Variants in MRPL48 observed in about 807,000 individuals in gnomAD.
The protein encoded by MRPL48 is large ribosomal subunit protein mL48.
In MRPL48, 16 loss-of-function variants were observed where a neutral mutation model predicts 32.9. The observed-to-expected ratio is 0.49, with a 90% CI of 0.33 to 0.74. The LOEUF (loss-of-function observed/expected upper bound fraction) is 0.74, where lower values mean the gene tolerates loss of function less well. MRPL48 is among the 30% of genes least tolerant of loss of function. MRPL48 has a pLI of 0.02. For missense variants in MRPL48, 206 were observed against 245.3 expected (o/e 0.84, Z 1.07); for synonymous variants, 94 against 89.2 (o/e 1.05, Z -0.31).
At chr11:73,821,526 C>G (rs1430980976) in intron 3 of MRPL48, among the ~76,000 whole-genome samples, 2 of 152,160 alleles carry the variant, frequency 1.3e-5, no homozygotes, top group Admixed American at 6.6e-5. Context: ...TTATCTCTGG[C>G]TCTTTCTCTG....
chr11:73,804,800 G>T (rs1947420200), intron 1 of MRPL48, among the ~76,000 whole-genome samples: 1 of 152,216 alleles, frequency 6.6e-6, no homozygotes. Context: ...AGCAGTGTGG[G>T]AGGGGGACTT....
chr11:73,850,898 G>A (rs1232861573), intron 5 of MRPL48: 3 of 247,814 alleles, frequency 1.2e-5, no homozygotes, highest in East Asian at 1.2e-4. Context: ...GGATGGTCTC[G>A]ATCTCCTGAC....
chr11:73,796,779 T>C (rs1292791850), intron 1 of MRPL48, among the ~76,000 whole-genome samples: 1 of 152,132 alleles, frequency 6.6e-6, no homozygotes, highest in South Asian at 2.1e-4. Flanking sequence ...CATAAAAACT[T>C]TGGGTCTGGG....
intron 4 of MRPL48, chr11:73,832,435 G>A (rs1948013287): frequency 6.6e-6 from 1 of 152,342 alleles, no homozygotes; most frequent in South Asian, 2.1e-4. Flanking sequence ...TCACTTTATG[G>A]TTATAGTCCT....
intron 4 of MRPL48, among the ~76,000 whole-genome samples, chr11:73,828,138 C>A (rs556587711): frequency 1.3e-5 from 2 of 152,156 alleles, no homozygotes; most frequent in East Asian, 3.9e-4. Flanking sequence ...CATGTAACTT[C>A]ACGATGCTGT....
chr11:73,860,314 G>C, intron 6 of MRPL48: 1 of 219,484 alleles, frequency 4.6e-6, no homozygotes, highest in Admixed American at 5.6e-5. Flanking sequence ...TCTCGACTTG[G>C]ATGTTCCACA....
At chr11:73,788,089 CG>C in intron 1 of MRPL48, 97 bp downstream of exon 1, 1 of 1,353,950 alleles carries the variant, frequency 7.4e-7, no homozygotes, top group Non-Finnish European at 9.9e-7. Context: ...TGGCGGCGCG[CG>C]GACATCCGGG....
At chr11:73,821,634 A>G (rs1385942005) in intron 3 of MRPL48, among the ~76,000 whole-genome samples, 1 of 152,204 alleles carries the variant, frequency 6.6e-6, no homozygotes, top group Admixed American at 6.6e-5. Flanking sequence ...AGTTCATCTT[A>G]AGTGCCCCTC....
chr11:73,801,897 C>T (rs1302243392), intron 1 of MRPL48, among the ~76,000 whole-genome samples: 3 of 152,202 alleles, frequency 2.0e-5, no homozygotes, highest in South Asian at 4.1e-4. Context: ...TCTTTCTAAT[C>T]ATTTATTCAT....
At chr11:73,853,804 C>T (rs1399679052) in intron 5 of MRPL48, among the ~76,000 whole-genome samples, 1 of 150,140 alleles carries the variant, frequency 6.7e-6, no homozygotes, top group Non-Finnish European at 1.5e-5. Flanking sequence ...CATTCTCCTG[C>T]CTCAGCCTCC....
chr11:73,808,984 T>A (rs1165452075), intron 3 of MRPL48, among the ~76,000 whole-genome samples: 4 of 151,550 alleles, frequency 2.6e-5, no homozygotes, highest in African/African-American at 7.3e-5. Flanking sequence ...TCTACAAAAA[T>A]TTTTTTAAAA....
At chr11:73,826,623 C>T (rs888215157) in intron 4 of MRPL48, among the ~76,000 whole-genome samples, 3 of 151,976 alleles carry the variant, frequency 2.0e-5, no homozygotes, top group Non-Finnish European at 2.9e-5. Context: ...GGATTATAGG[C>T]GTCCGCTGCC....
At chr11:73,793,625 C>T (rs1028757024) in intron 1 of MRPL48, among the ~76,000 whole-genome samples, 1 of 151,942 alleles carries the variant, frequency 6.6e-6, no homozygotes, top group African/African-American at 2.4e-5. Flanking sequence ...ACTTGGAGTT[C>T]CAGAGGAACT....
chr11:73,824,971 C>T (rs1347639551), intron 3 of MRPL48, among the ~76,000 whole-genome samples: 3 of 152,166 alleles, frequency 2.0e-5, no homozygotes, highest in African/African-American at 7.2e-5. Flanking sequence ...TCAGCTACCA[C>T]CAAATCTTCC....
intron 5 of MRPL48, among the ~76,000 whole-genome samples, chr11:73,846,849 C>A (rs1298973770): frequency 6.6e-6 from 1 of 152,040 alleles, no homozygotes; most frequent in Non-Finnish European, 1.5e-5. Context: ...CAGGCAAACA[C>A]CAACTCGCCA....
chr11:73,791,843 G>C (rs555963548), intron 1 of MRPL48, among the ~76,000 whole-genome samples: 10 of 152,298 alleles, frequency 6.6e-5, no homozygotes, highest in South Asian at 2.1e-4. Context: ...GTACATGGTA[G>C]AGCTGGGACT....
intron 1 of MRPL48, among the ~76,000 whole-genome samples, chr11:73,791,440 A>G (rs983809007): frequency 5.9e-5 from 9 of 151,974 alleles, no homozygotes; most frequent in Non-Finnish European, 8.8e-5. Context: ...GTTTTGAGAC[A>G]GGGTCTCACT....
chr11:73,813,794 C>A (rs1014112829), intron 3 of MRPL48, among the ~76,000 whole-genome samples: 4 of 152,152 alleles, frequency 2.6e-5, no homozygotes, highest in African/African-American at 9.6e-5. Context: ...GTAATCCCAG[C>A]ACTTTGGGAG....
At chr11:73,851,124 G>T in intron 5 of MRPL48, 1 of 459,174 alleles carries the variant, frequency 2.2e-6, no homozygotes. Context: ...ACTATTTTCT[G>T]TCATCACTTG....
Sources: allele counts gnomAD v4.1 joint callset (sites outside exome capture counted in the v4.1 genomes callset), GRCh38; gene constraint gnomAD v4.1.1; transcripts MANE v1.5; gene names NCBI Gene and HGNC (gene_info 2026-07-23, HGNC 2026-07-21).